The following WTIP variants were observed in gnomAD, a reference collection of about 807,000 sequenced individuals.
The protein encoded by WTIP is WT1 interacting protein.
Under a neutral mutation model 41.7 loss-of-function variants are expected in WTIP, and 23 were observed. The ratio of observed to expected loss-of-function variants is 0.55; its 90% CI spans 0.40 to 0.78. The LOEUF is 0.78. Among genes scored for constraint, WTIP ranks in the 30% least tolerant of loss-of-function variants. WTIP has a pLI of 0.00. For synonymous variants in WTIP, 314 were observed against 269.9 expected, an observed-to-expected ratio of 1.16 and a Z score of -1.60; for missense variants, 619 against 610.5, an observed-to-expected ratio of 1.01 and a Z score of -0.15.
intron 1 of WTIP, among the ~76,000 whole-genome samples, chr19:34,488,553 A>C (rs996671540): frequency 6.6e-6 from 1 of 150,920 alleles, no homozygotes; most frequent in African/African-American, 2.4e-5. Context: ...TTTTGTAGAG[A>C]TGAGGGTCTC....
At position 34,507,823 on chromosome 19, in the gene WTIP, A is replaced by G. The variant is rs902277872; in HGVS notation, c.*7554A>G. The G allele has an allele frequency of 6.6e-6, 1 of 152,268 alleles. No individual in the cohort carries two copies. Among genetic ancestry groups the G allele is most frequent in the South Asian group, 2.1e-4 (1 of 4,834 alleles). 9.4% of individuals were successfully genotyped at this position (152,268 alleles called of 1,614,324 possible). Reference sequence around the variant, plus strand: ...CTGCTGAAGATGATAAATGATGCACAGATTTCAATCCATCCTACGGCTTCA... The same window carrying G: ...CTGCTGAAGATGATAAATGATGCACGGATTTCAATCCATCCTACGGCTTCA... On this transcript the variant is annotated 3_prime_UTR_variant, in exon 8 of 8. Transcript: ENST00000590071.
At chr19:34,497,644 G>A (rs770892225) in intron 7 of WTIP, among the ~76,000 whole-genome samples, 18 of 152,172 alleles carry the variant, frequency 1.2e-4, no homozygotes, top group South Asian at 4.1e-4. Flanking sequence ...GCCGGCGACC[G>A]CGCCCCAGCA....
intron 7 of WTIP, among the ~76,000 whole-genome samples, 170 bp downstream of exon 7, chr19:34,495,941 G>C (rs2075850861): frequency 6.6e-6 from 1 of 152,198 alleles, no homozygotes; most frequent in African/African-American, 2.4e-5. Flanking sequence ...TGGATCACCT[G>C]AGGTCAGGAG....
At position 34,511,589 on chromosome 19, in the gene WTIP, C is replaced by A. The variant is rs915478377; in HGVS notation, c.*11320C>A. ...CCAAGGGTTCCTGCCTTTGGATGCA[C>A]ATGGCCACCTTGCCCACTAGAACAT... On this transcript the variant is annotated 3_prime_UTR_variant, in exon 8 of 8. Coordinates refer to ENST00000590071, the MANE Select transcript of WTIP (RefSeq NM_001080436.2). 2.0e-5 allele frequency: 3 copies of A among 152,210 alleles called. No homozygotes were observed. The highest frequency in any genetic ancestry group is 7.2e-5 in the African/African-American group (3 of 41,436). The allele number at this position is 152,210 out of a possible 1,614,324, so 9.4% of individuals were successfully genotyped here.
At position 34,502,842 on chromosome 19, in the gene WTIP, C is replaced by T. The variant is rs1186452690; in HGVS notation, c.*2573C>T. The T allele has an allele frequency of 1.3e-5, 2 of 152,338 alleles. No individual in the cohort carries two copies. The highest frequency in any genetic ancestry group is 2.9e-5 in the Non-Finnish European group (2 of 68,154). The allele number at this position is 152,338 out of a possible 1,614,324, so 9.4% of individuals were successfully genotyped here. A position where few individuals can be genotyped will look rare whatever the true frequency, so the allele number is the denominator to read the frequency against. Reference sequence around the variant, plus strand: ...GTGTTGGGATTACAGGCTTGAGCCACCGTGCCTGGCCTGGGCTCCTTTGCC... The same window carrying T: ...GTGTTGGGATTACAGGCTTGAGCCATCGTGCCTGGCCTGGGCTCCTTTGCC... On this transcript the variant is annotated 3_prime_UTR_variant, in exon 8 of 8. Transcript: ENST00000590071.
In WTIP at chr19:34,490,306, A is replaced by G. The variant is rs1476911212; in HGVS notation, c.668-70A>G. 15 of 1,469,706 alleles carry G rather than the reference A, an allele frequency of 1.0e-5. No individual in the cohort carries two copies. The East Asian group carries it at 3.4e-4, about 34-fold the overall frequency. 91.0% of individuals were successfully genotyped at this position (1,469,706 alleles called of 1,614,324 possible). On this transcript the variant is annotated intron_variant, in intron 1 of 7. Transcript: ENST00000590071. ...GGTCAAGCGGGTGGGCGGTGTCAAG[A>G]CGGGGAGTCCGTCGGTGTGGCATAG...
At chr19:34,495,677 T>C in intron 6 of WTIP, 26 bp from the exon 7 acceptor site, 1 of 1,612,812 alleles carries the variant, frequency 6.2e-7, no homozygotes, top group Non-Finnish European at 8.5e-7. Context: ...ATGCTCATCG[T>C]GTGTGAACTC....
intron 1 of WTIP, among the ~76,000 whole-genome samples, chr19:34,488,075 CT>C (rs1336174285): frequency 2.1e-3 from 318 of 148,120 alleles, no homozygotes; most frequent in Non-Finnish European, 3.2e-3. Flanking sequence ...TGTCTGCTTC[CT>C]TTTTTTTTTT....
intron 1 of WTIP, among the ~76,000 whole-genome samples, chr19:34,483,917 CTTTTTTTTTTTT>C (rs61308943): frequency 1.8e-3 from 118 of 66,876 alleles, no homozygotes; most frequent in African/African-American, 6.0e-3. Flanking sequence ...TGAACTGGAT[CTTTTTTTTTTTT>C]TTTTTTTTTT....
rs562350024 is a variant in WTIP at position 34,511,363 on chromosome 19, A to G, written c.*11094A>G. 6.6e-6 allele frequency: 1 copy of G among 152,256 alleles called. No individual in the cohort carries two copies. The highest frequency in any genetic ancestry group is 1.5e-5 in the Non-Finnish European group (1 of 68,014). The allele number at this position is 152,256 out of a possible 1,614,324, so 9.4% of individuals were successfully genotyped here. On this transcript the variant is annotated 3_prime_UTR_variant, in exon 8 of 8. Transcript: ENST00000590071. Reference sequence around the variant, plus strand: ...GGAAACTGCCCCCATGATTCAAAATATTTCCCATTGGGTCCCTCCCACAAC... The same window carrying G: ...GGAAACTGCCCCCATGATTCAAAATGTTTCCCATTGGGTCCCTCCCACAAC...
intron 7 of WTIP, among the ~76,000 whole-genome samples, chr19:34,499,601 G>A (rs2145610776): frequency 6.6e-6 from 1 of 152,238 alleles, no homozygotes; most frequent in East Asian, 1.9e-4. Context: ...CCCGCAGTCT[G>A]ACTTATATCC....
At chr19:34,485,468 G>A (rs2075792484) in intron 1 of WTIP, among the ~76,000 whole-genome samples, 1 of 152,220 alleles carries the variant, frequency 6.6e-6, no homozygotes, top group African/African-American at 2.4e-5. Context: ...AGCTACAAAA[G>A]TGGCAGTTTC....
chr19:34,495,193 T>G (rs980441087), intron 6 of WTIP, among the ~76,000 whole-genome samples: 3 of 152,138 alleles, frequency 2.0e-5, no homozygotes, highest in African/African-American at 7.2e-5. Context: ...GCCAGGAGTT[T>G]GAGACCAGCC....
rs908688502 is a variant in WTIP at position 34,504,729 on chromosome 19, G to A, written c.*4460G>A. On this transcript the variant is annotated 3_prime_UTR_variant, in exon 8 of 8. Transcript: ENST00000590071. ...GGGGTGAGTTGGGTAGGGTGCAGCT[G>A]TGCTCATCCCTCCCACCCAGCCCCA... is the stretch of plus-strand genomic sequence containing the variant. 3 of 152,400 alleles carry A rather than the reference G, an allele frequency of 2.0e-5. No individual in the cohort carries two copies. Among genetic ancestry groups the A allele is most frequent in the African/African-American group, 7.2e-5 (3 of 41,392 alleles). The allele number at this position is 152,400 out of a possible 1,614,324, so 9.4% of individuals were successfully genotyped here.
rs948638302 is a variant in WTIP, at chr19:34,493,623, G to C, written c.1031+1G>C. 6.2e-7 allele frequency: 1 copy of C among 1,613,162 alleles called. No homozygotes were observed. Among genetic ancestry groups the C allele is most frequent in the Non-Finnish European group, 8.5e-7 (1 of 1,179,880 alleles). ...TCTACTGCGTGCGAGACTATCACAC[G>C]TGAGTTGCTGGTGCTGTGGAGCAGG... On this transcript the variant is annotated splice_donor_variant, in intron 5 of 7. Transcript: ENST00000590071. LOFTEE classifies it high-confidence loss of function. The surrounding 1 kb of genome is among the most constrained non-coding windows in gnomAD (Gnocchi z 4.1).
At position 34,504,083 on chromosome 19, in the gene WTIP, T is replaced by C. The variant is rs1218190858; in HGVS notation, c.*3814T>C. 1 of 151,292 alleles carries C rather than the reference T, an allele frequency of 6.6e-6. No homozygotes were observed. Among genetic ancestry groups the C allele is most frequent in the African/African-American group, 2.4e-5 (1 of 41,010 alleles). 9.4% of individuals were successfully genotyped at this position (151,292 alleles called of 1,614,324 possible). On this transcript the variant is annotated 3_prime_UTR_variant, in exon 8 of 8. Coordinates refer to ENST00000590071, the MANE Select transcript of WTIP (RefSeq NM_001080436.2). ...TCAATGAGAGAGACGGAGAAAGTCG[T>C]GTGTGAAAGGGATTGAATATTTCAG...
At chr19:34,483,005 TC>T (rs1200506763) in intron 1 of WTIP, among the ~76,000 whole-genome samples, 1 of 145,244 alleles carries the variant, frequency 6.9e-6, no homozygotes, top group African/African-American at 2.6e-5. Flanking sequence ...TTTTCTTTCT[TC>T]TTTTTTTTTT....
At position 34,493,403 on chromosome 19, in the gene WTIP, G is replaced by A. The variant is rs1419533653; in HGVS notation, c.900+78G>A. 1 of 1,593,468 alleles carries A rather than the reference G, an allele frequency of 6.3e-7. No homozygotes were observed. Among genetic ancestry groups the A allele is most frequent in the Non-Finnish European group, 8.5e-7 (1 of 1,170,666 alleles). ...GGACTCTACCGTCTCCCCTGCTCCA[G>A]ACCTGCCAGGGGTTCAGGGCCAGAG... On this transcript the variant is annotated intron_variant, in intron 4 of 7. Coordinates refer to ENST00000590071, the MANE Select transcript of WTIP (RefSeq NM_001080436.2). This position sits in a 1 kb window ranked among gnomAD's most constrained non-coding sequence, Gnocchi z 4.1.
At chr19:34,487,046 A>AGACTC (rs2075801301) in intron 1 of WTIP, among the ~76,000 whole-genome samples, 1 of 144,446 alleles carries the variant, frequency 6.9e-6, no homozygotes, top group Non-Finnish European at 1.5e-5. Flanking sequence ...CTCCTGTCTC[A>AGACTC]GACTCCCAAA....
Sources: allele counts gnomAD v4.1 joint callset (sites outside exome capture counted in the v4.1 genomes callset), GRCh38; gene constraint gnomAD v4.1.1; non-coding constraint Gnocchi (gnomAD v3.1); transcripts MANE v1.5; gene names NCBI Gene and HGNC (gene_info 2026-07-23, HGNC 2026-07-21).